TMCC3: variants seen among roughly 807,000 people sequenced by gnomAD.
TMCC3 encodes the protein transmembrane and coiled-coil domain family 3.
TMCC3 carries 28 observed loss-of-function variants against 40.2 expected under a neutral mutation model. The observed-to-expected ratio is 0.70, with a 90% CI of 0.52 to 0.95. The LOEUF (loss-of-function observed/expected upper bound fraction) is 0.95. TMCC3 is among the 40% of genes least tolerant of loss of function. The pLI is 0.00. For missense variants in TMCC3, 554 were observed against 615.2 expected (o/e 0.90, Z 1.05); for synonymous variants, 255 against 248.5 (o/e 1.03, Z -0.25).
chr12:94,607,910 T>C (rs4761641), intron 1 of TMCC3, among the ~76,000 whole-genome samples: 38,872 of 152,084 alleles, frequency 0.26, 5,699 homozygotes, highest in African/African-American at 0.39. Context: ...TGAACTAAAA[T>C]TTATTTGATT....
chr12:94,584,679 T>C (rs2068627637), intron 1 of TMCC3, among the ~76,000 whole-genome samples: 1 of 151,190 alleles, frequency 6.6e-6, no homozygotes, highest in South Asian at 2.1e-4. Context: ...TAGCATTAGC[T>C]CTTAGCCCCT....
intron 1 of TMCC3, among the ~76,000 whole-genome samples, chr12:94,616,691 G>C (rs1039374305): frequency 1.3e-5 from 2 of 152,180 alleles, no homozygotes; most frequent in Non-Finnish European, 2.9e-5. Context: ...TAAGAGGAAA[G>C]GGGGAGGGGA....
intron 1 of TMCC3, among the ~76,000 whole-genome samples, chr12:94,598,330 T>C (rs1179823437): frequency 6.6e-6 from 1 of 151,906 alleles, no homozygotes; most frequent in Non-Finnish European, 1.5e-5. Flanking sequence ...CTTTAACCCC[T>C]AAAGCCCCTC....
At chr12:94,591,521 G>C (rs1315382544) in intron 1 of TMCC3, among the ~76,000 whole-genome samples, 1 of 152,074 alleles carries the variant, frequency 6.6e-6, no homozygotes, top group Admixed American at 6.5e-5. Context: ...CACTTTGGGA[G>C]GGGAGATTGC....
At chr12:94,582,583 A>C (rs759411602) in intron 1 of TMCC3, 45 bp from the exon 2 acceptor site, 1 of 1,496,346 alleles carries the variant, frequency 6.7e-7, no homozygotes, top group East Asian at 2.3e-5. Flanking sequence ...GAAGTCAAAG[A>C]GATAATTACT....
At chr12:94,627,277 G>T (rs2068908902) in intron 1 of TMCC3, among the ~76,000 whole-genome samples, 1 of 152,182 alleles carries the variant, frequency 6.6e-6, no homozygotes, top group African/African-American at 2.4e-5. Flanking sequence ...GCACCATGCT[G>T]CTTCCTCACT....
At chr12:94,646,509 G>A (rs1053013910) in intron 1 of TMCC3, among the ~76,000 whole-genome samples, 1 of 134,492 alleles carries the variant, frequency 7.4e-6, no homozygotes, top group Non-Finnish European at 1.5e-5. Context: ...CACGATCTCA[G>A]CTCTCTGCAA....
chr12:94,602,996 T>C (rs1476932249), intron 1 of TMCC3, among the ~76,000 whole-genome samples: 1 of 152,232 alleles, frequency 6.6e-6, no homozygotes, highest in Non-Finnish European at 1.5e-5. Context: ...AAGGCTGGCA[T>C]CCTGCACGCA....
At chr12:94,643,069 G>A (rs2068999643) in intron 1 of TMCC3, among the ~76,000 whole-genome samples, 1 of 152,020 alleles carries the variant, frequency 6.6e-6, no homozygotes, top group South Asian at 2.1e-4. Context: ...GCGTGCACCT[G>A]TAGTCCCAGC....
At chr12:94,635,768 C>G (rs1008632759) in intron 1 of TMCC3, among the ~76,000 whole-genome samples, 1 of 147,170 alleles carries the variant, frequency 6.8e-6, no homozygotes, top group East Asian at 2.1e-4. Flanking sequence ...CTCCCAGGTT[C>G]GAGCAATTCT....
chr12:94,603,995 C>G (rs964182142), intron 1 of TMCC3, among the ~76,000 whole-genome samples: 3 of 152,096 alleles, frequency 2.0e-5, no homozygotes, highest in Non-Finnish European at 2.9e-5. Context: ...TAAAGTTTCC[C>G]AAACTTTCAT....
chr12:94,574,392 C>CAA (rs142348445), intron 3 of TMCC3, among the ~76,000 whole-genome samples: 57,513 of 141,730 alleles, frequency 0.41, 11,593 homozygotes, highest in Non-Finnish European at 0.45. Context: ...TCTCAAAAAA[C>CAA]AAAAAAAAAA....
At chr12:94,596,609 A>T (rs1308449452) in intron 1 of TMCC3, among the ~76,000 whole-genome samples, 1 of 152,140 alleles carries the variant, frequency 6.6e-6, no homozygotes, top group African/African-American at 2.4e-5. Context: ...GTATTTGAAT[A>T]ACACATTTGT....
At chr12:94,599,918 A>G (rs896766877) in intron 1 of TMCC3, among the ~76,000 whole-genome samples, 1 of 152,182 alleles carries the variant, frequency 6.6e-6, no homozygotes, top group African/African-American at 2.4e-5. Context: ...GACCAGGCAC[A>G]GTGGCATGTG....
chr12:94,630,940 G>A (rs751235985), intron 1 of TMCC3, among the ~76,000 whole-genome samples: 2 of 152,114 alleles, frequency 1.3e-5, no homozygotes, highest in Non-Finnish European at 2.9e-5. Flanking sequence ...TACTGGCCAG[G>A]CTGGTCTCAA....
At chr12:94,597,484 T>G (rs1295338728) in intron 1 of TMCC3, among the ~76,000 whole-genome samples, 1 of 152,122 alleles carries the variant, frequency 6.6e-6, no homozygotes, top group East Asian at 1.9e-4. Flanking sequence ...AATCCATTAT[T>G]TGTGATGGCT....
intron 1 of TMCC3, among the ~76,000 whole-genome samples, chr12:94,615,074 A>T (rs1304393581): frequency 6.6e-6 from 1 of 152,174 alleles, no homozygotes; most frequent in Non-Finnish European, 1.5e-5. Flanking sequence ...CAATGGGCAA[A>T]CCTTTGCTAC....
rs527894810 is a variant in TMCC3, at chr12:94,572,306, C to CTTT, written c.1132-572_1132-570dup. Among the ~76,000 whole-genome samples the CTTT allele has an allele frequency of 8.1e-4, 41 of 50,656 alleles. 1 individual carries two copies. Among genetic ancestry groups the CTTT allele is most frequent in the African/African-American group, 2.8e-3 (37 of 13,384 alleles). The allele number at this position is 50,656 out of a possible 152,430, so 33.2% of individuals were successfully genotyped here. The stretch of plus-strand genomic sequence containing the variant: ...AGCCACCATGCCCAGCCGACTTCAT[C>CTTT]TTTTTTTTTTTTTTTTTTTTTTGAG... On this transcript the variant is annotated intron_variant, in intron 3 of 3. Coordinates refer to ENST00000261226, the MANE Select transcript of TMCC3 (RefSeq NM_020698.4).
At chr12:94,604,821 A>AAAAAAG (rs2068773497) in intron 1 of TMCC3, among the ~76,000 whole-genome samples, 2 of 150,908 alleles carry the variant, frequency 1.3e-5, no homozygotes, top group Non-Finnish European at 3.0e-5. Context: ...AAAAAAAAAA[A>AAAAAAG]AAAGAAGTAA....
Sources: gnomAD v4.1 joint callset for allele counts (sites outside exome capture counted in the v4.1 genomes callset) on GRCh38, gnomAD v4.1.1 for gene constraint, MANE v1.5 for transcripts, NCBI Gene and HGNC (gene_info 2026-07-23, HGNC 2026-07-21) for gene names.